CELA3B: variants seen among roughly 807,000 people sequenced by gnomAD.
CELA3B encodes chymotrypsin-like elastase family member 3B.
In CELA3B, 34 loss-of-function variants were observed where a neutral mutation model predicts 37.2. That is an observed-to-expected ratio of 0.91 (90% CI 0.70 to 1.22). CELA3B has a LOEUF of 1.22. CELA3B is among the 50% of genes most tolerant of loss of function. The pLI is 0.00. For synonymous variants in CELA3B, 127 were observed against 143.5 expected (o/e 0.89, Z 0.82); for missense variants, 340 against 363.1 (o/e 0.94, Z 0.52).
At chr1:21,988,222 A>G (rs1644850572) in intron 7 of CELA3B, among the ~76,000 whole-genome samples, 1 of 140,450 alleles carries the variant, frequency 7.1e-6, no homozygotes, top group South Asian at 2.3e-4. Context: ...AAAAACAAAA[A>G]CAAACAAACA....
intron 2 of CELA3B, among the ~76,000 whole-genome samples, chr1:21,979,352 G>A (rs145035862): frequency 0.011 from 1,698 of 151,972 alleles, 9 homozygotes; most frequent in East Asian, 0.034. Flanking sequence ...GATTACAGGT[G>A]TGAGTCACTG....
chr1:21,994,230 G>C (rs1644879925), downstream of CELA3B, among the ~76,000 whole-genome samples: 1 of 150,858 alleles, frequency 6.6e-6, no homozygotes, highest in Non-Finnish European at 1.5e-5. Context: ...CTTCCAGTGG[G>C]AGATTGAAAG....
chr1:21,989,674 C>A (rs1192707561), downstream of CELA3B, among the ~76,000 whole-genome samples: 1 of 151,018 alleles, frequency 6.6e-6, no homozygotes, highest in African/African-American at 2.5e-5. Context: ...TGGTAAAAAT[C>A]TGCAGATAAA....
At chr1:21,977,171 C>G (rs1241220689) in intron 1 of CELA3B, 89 bp downstream of exon 1, 111 of 1,579,188 alleles carry the variant, frequency 7.0e-5, no homozygotes, top group Middle Eastern at 1.7e-4. Flanking sequence ...CCCATGACAC[C>G]CTATGCCTGG....
At chr1:21,985,839 C>T (rs553630823) in intron 6 of CELA3B, among the ~76,000 whole-genome samples, 7 of 151,622 alleles carry the variant, frequency 4.6e-5, no homozygotes, top group East Asian at 2.0e-4. Context: ...TGCCGTGAGC[C>T]GAGATCGCGC....
At chr1:21,996,828 C>T (rs1431047139) in intron 4 of CELA3B, among the ~76,000 whole-genome samples, 2 of 151,070 alleles carry the variant, frequency 1.3e-5, no homozygotes, top group Non-Finnish European at 2.9e-5. Context: ...CTGTCCTAGC[C>T]CTGGGTTCCC....
At chr1:21,986,122 C>T (rs1267316319) in intron 6 of CELA3B, among the ~76,000 whole-genome samples, 1 of 149,626 alleles carries the variant, frequency 6.7e-6, no homozygotes, top group Non-Finnish European at 1.5e-5. Context: ...ACCCATAATC[C>T]CTTTGGGAGG....
intron 7 of CELA3B, chr1:21,987,938 C>G (rs528319079): frequency 6.6e-6 from 1 of 151,826 alleles, no homozygotes; most frequent in East Asian, 1.9e-4. Flanking sequence ...TGGCCAAGTA[C>G]AGTGGTTCAT....
At chr1:21,980,704 C>T in intron 2 of CELA3B, 120 bp from the exon 3 acceptor site, 2 of 751,946 alleles carry the variant, frequency 2.7e-6, no homozygotes, top group Non-Finnish European at 4.4e-6. Context: ...AGTGGGTGCT[C>T]TTGTTTTCCG....
intron 7 of CELA3B, among the ~76,000 whole-genome samples, chr1:21,987,206 G>A (rs1356365048): frequency 6.6e-6 from 1 of 150,916 alleles, no homozygotes; most frequent in Non-Finnish European, 1.5e-5. Flanking sequence ...AGTAATCCCA[G>A]CACTTTGGGA....
At chr1:21,977,682 T>C (rs1488388703) in intron 1 of CELA3B, among the ~76,000 whole-genome samples, 9 of 152,186 alleles carry the variant, frequency 5.9e-5, no homozygotes, top group Non-Finnish European at 1.0e-4. Context: ...GGAAGTAAAG[T>C]AGCTTATCAT....
intron 4 of CELA3B, among the ~76,000 whole-genome samples, chr1:21,982,796 G>T (rs1341870021): frequency 6.6e-6 from 1 of 151,770 alleles, no homozygotes; most frequent in Non-Finnish European, 1.5e-5. Flanking sequence ...TCCTGCCTCG[G>T]CCTCCCGGGT....
chr1:21,993,211 G>A (rs112323679), downstream of CELA3B, among the ~76,000 whole-genome samples: 32 of 151,092 alleles, frequency 2.1e-4, no homozygotes, highest in South Asian at 1.0e-3. Flanking sequence ...CTGTAATCCC[G>A]GCACTTTGGG....
chr1:21,991,393 T>C (rs1644867933), downstream of CELA3B, among the ~76,000 whole-genome samples: 2 of 149,154 alleles, frequency 1.3e-5, no homozygotes, highest in Admixed American at 1.3e-4. Context: ...TGGAGTACAA[T>C]GGTGTAATCT....
In CELA3B at chr1:21,984,265, C is replaced by A. The variant is rs201285454; in HGVS notation, c.576C>A (p.Asn192Lys). The change falls in exon 6 of 8, where the codon AAC (asparagine) becomes AAA (lysine). Residue 192 changes from asparagine (N) to lysine (K), a missense_variant. By Grantham distance (94) the Asn-to-Lys change is moderately conservative (BLOSUM62 0). Transcript: ENST00000337107. ...ACTATGAACACTGCTCCAGGTGGAA[C>A]TGGTGGGGTTCCTCCGTGAAGAAGA... is the stretch of plus-strand genomic sequence containing the variant. ...VVDYEHCSRW[N>K]WWGSSVKKTM... The A allele has an allele frequency of 2.5e-5, 40 of 1,614,086 alleles. No homozygotes were observed. Among genetic ancestry groups the A allele is most frequent in the Non-Finnish European group, 3.4e-5 (40 of 1,180,042 alleles).
At chr1:21,996,177 T>C (rs1210616006) in intron 4 of CELA3B, among the ~76,000 whole-genome samples, 12 of 151,130 alleles carry the variant, frequency 7.9e-5, no homozygotes, top group African/African-American at 1.7e-4. Flanking sequence ...CGCGCCACTG[T>C]ACTCCAGCCT....
rs775263105 is a variant in CELA3B at position 21,981,160 on chromosome 1, G to A, written c.350G>A (p.Cys117Tyr). The A allele has an allele frequency of 2.5e-6, 4 of 1,612,064 alleles. No individual in the cohort carries two copies. The highest frequency in any genetic ancestry group is 2.2e-5 in the South Asian group (2 of 90,980). ...GTGCATCCACTCTGGAACCGCTCGT[G>A]TGTGGCCTGTGGGTGAGTGAATGCT... The part of the protein sequence containing the change: ...LFVHPLWNRS[C>Y]VACGNDIALI... Residue 117 changes from cysteine (C) to tyrosine (Y), a missense_variant, in exon 4 of 8, where the codon TGT becomes TAT. By Grantham distance (194) the Cys-to-Tyr change is radical. Coordinates refer to ENST00000337107, the MANE Select transcript of CELA3B (RefSeq NM_007352.4).
rs1644816810 is a variant in CELA3B, at chr1:21,983,429, C to T, written c.363-265C>T. Among the ~76,000 whole-genome samples the T allele has an allele frequency of 2.6e-5, 4 of 151,992 alleles. 1 individual carries two copies. In the East Asian group the frequency reaches 7.7e-4, roughly 29 times the overall value. On this transcript the variant is annotated intron_variant, in intron 4 of 7. Transcript: ENST00000337107. ...GGTGTAGTGGCTCATGCCTGTAATT[C>T]CAGCACTTCAGGAGGTGAAAGCAGG... is the stretch of plus-strand genomic sequence containing the variant.
intron 4 of CELA3B, among the ~76,000 whole-genome samples, chr1:21,982,007 G>C (rs1644808871): frequency 6.6e-6 from 1 of 152,146 alleles, no homozygotes; most frequent in Non-Finnish European, 1.5e-5. Context: ...TTACAGGCAT[G>C]AGCCACCGCG....
Sources: gnomAD v4.1 joint callset for allele counts (sites outside exome capture counted in the v4.1 genomes callset) on GRCh38, gnomAD v4.1.1 for gene constraint, MANE v1.5 for transcripts, NCBI Gene and HGNC (gene_info 2026-07-23, HGNC 2026-07-21) for gene names.